The following KIAA1671 variants were observed in gnomAD, a reference collection of about 807,000 sequenced individuals.
KIAA1671 encodes the protein KIAA1671.
Under a neutral mutation model 131.2 loss-of-function variants are expected in KIAA1671, and 52 were observed. The observed-to-expected ratio is 0.40, with a 90% confidence interval of 0.32 to 0.50. The LOEUF is 0.50. Among genes scored for constraint, KIAA1671 ranks in the 20% least tolerant of loss-of-function variants. The pLI, the probability that KIAA1671 is intolerant of heterozygous loss-of-function variation, is 0.73. For missense variants in KIAA1671, 2,360 were observed against 2,364.2 expected (o/e 1.00, Z 0.04); for synonymous variants, 1,003 against 961.6 (o/e 1.04, Z -0.80).
intron 6 of KIAA1671, chr22:25,051,607 C>A: frequency 6.6e-6 from 1 of 152,410 alleles, no homozygotes; most frequent in Non-Finnish European, 1.5e-5. Context: ...CTCCTCCTCC[C>A]CTTCCTCTCC....
chr22:24,986,503 C>A (rs1923543335), intron 1 of KIAA1671, among the ~76,000 whole-genome samples: 1 of 151,946 alleles, frequency 6.6e-6, no homozygotes, highest in Admixed American at 6.6e-5. Context: ...AAACTCTGTA[C>A]CTGTTCAATA....
At chr22:24,983,913 G>A (rs1011220009) in intron 1 of KIAA1671, among the ~76,000 whole-genome samples, 1 of 151,808 alleles carries the variant, frequency 6.6e-6, no homozygotes, top group Admixed American at 6.6e-5. Flanking sequence ...CAAGTAGCTG[G>A]GATTACAGGC....
chr22:24,959,373 A>G (rs1163310571), intron 1 of KIAA1671, among the ~76,000 whole-genome samples: 3 of 151,866 alleles, frequency 2.0e-5, no homozygotes, highest in Non-Finnish European at 4.4e-5. Flanking sequence ...ATTAAAAAAA[A>G]TTAGCTAGGC....
chr22:25,121,676 G>A (rs1336072278), intron 6 of KIAA1671, among the ~76,000 whole-genome samples: 1 of 152,152 alleles, frequency 6.6e-6, no homozygotes, highest in Non-Finnish European at 1.5e-5. Flanking sequence ...TAAACACAAA[G>A]TTGGGGAAAG....
chr22:25,179,170 G>C (rs1162794021), intron 9 of KIAA1671: 4 of 911,808 alleles, frequency 4.4e-6, no homozygotes, highest in African/African-American at 1.6e-5. Context: ...CAGGGCGGCT[G>C]AGTGCGGAAG....
chr22:25,132,442 C>A (rs1932483360), intron 6 of KIAA1671, among the ~76,000 whole-genome samples: 1 of 152,194 alleles, frequency 6.6e-6, no homozygotes, highest in East Asian at 1.9e-4. Flanking sequence ...AACCCCAGAT[C>A]AAATCCCAGA....
At chr22:24,962,592 G>T (rs745515) in intron 1 of KIAA1671, among the ~76,000 whole-genome samples, 8,259 of 152,236 alleles carry the variant, frequency 0.054, 785 homozygotes, top group African/African-American at 0.19. Context: ...GGAGTAATAA[G>T]AGAGCTGGCC....
At chr22:25,027,540 A>T (rs1926014339) in intron 2 of KIAA1671, among the ~76,000 whole-genome samples, 2 of 152,194 alleles carry the variant, frequency 1.3e-5, no homozygotes, top group African/African-American at 4.8e-5. Context: ...ATTTGGTGTC[A>T]AACCTGGTTT....
At chr22:25,063,093 G>A (rs191605609) in intron 6 of KIAA1671, 2 of 151,902 alleles carry the variant, frequency 1.3e-5, no homozygotes, top group South Asian at 2.1e-4. Context: ...GAGGGTTCTC[G>A]GATTTCGTAC....
intron 1 of KIAA1671, among the ~76,000 whole-genome samples, chr22:24,977,390 A>T (rs1009544136): frequency 1.3e-5 from 2 of 152,218 alleles, no homozygotes; most frequent in African/African-American, 4.8e-5. Context: ...CAGAGCCTTG[A>T]TAAACCGGGC....
At chr22:25,008,012 A>G (rs1424403920) in intron 1 of KIAA1671, among the ~76,000 whole-genome samples, 2 of 152,028 alleles carry the variant, frequency 1.3e-5, no homozygotes, top group Non-Finnish European at 2.9e-5. Context: ...AGCCTGGCCA[A>G]CATGATGAAA....
intron 9 of KIAA1671, chr22:25,179,477 TCCTCCAGCGC>T (rs1485633730): frequency 6.8e-6 from 11 of 1,612,920 alleles, no homozygotes; most frequent in African/African-American, 1.3e-5. Flanking sequence ...GTTGTTATTC[TCCTCCAGCGC>T]CTTGTGCAGC....
At chr22:25,092,516 C>T (rs1035562493) in intron 6 of KIAA1671, among the ~76,000 whole-genome samples, 2 of 152,038 alleles carry the variant, frequency 1.3e-5, no homozygotes, top group Non-Finnish European at 2.9e-5. Context: ...AGGCTAACCT[C>T]GTAGGATGGA....
chr22:25,104,046 T>G (rs963490535), intron 6 of KIAA1671, among the ~76,000 whole-genome samples: 2 of 152,136 alleles, frequency 1.3e-5, no homozygotes, highest in Non-Finnish European at 2.9e-5. Flanking sequence ...TGGCGCAATC[T>G]TGGCTCACTG....
rs1331800227 is a variant in KIAA1671, at chr22:25,196,753, T to C, written c.*4352T>C. The C allele has an allele frequency of 6.6e-6, 1 of 152,108 alleles. No homozygotes were observed. The highest frequency in any genetic ancestry group is 1.5e-5 in the Non-Finnish European group (1 of 68,030). 9.4% of individuals were successfully genotyped at this position (152,108 alleles called of 1,614,324 possible). A position where few individuals can be genotyped will look rare whatever the true frequency, so the allele number is the denominator to read the frequency against. On this transcript the variant is annotated 3_prime_UTR_variant, in exon 13 of 13. Transcript: ENST00000358431. The stretch of plus-strand genomic sequence containing the variant: ...GCCCAGCTGAATTTGAGCTTTTTAA[T>C]AATCTCATTCCACATAGCCTTATAG...
At chr22:25,060,961 C>A (rs945145544) in intron 6 of KIAA1671, 1 of 152,186 alleles carries the variant, frequency 6.6e-6, no homozygotes. Context: ...TGTCACTGTG[C>A]TCTGTCCCCA....
intron 6 of KIAA1671, among the ~76,000 whole-genome samples, chr22:25,071,609 C>CCGA (rs1273839356): frequency 6.6e-6 from 1 of 151,796 alleles, no homozygotes; most frequent in Non-Finnish European, 1.5e-5. Flanking sequence ...CTCCAATAAT[C>CCGA]GTATTTTTGA....
rs571568764 is a variant in KIAA1671, at chr22:25,183,616, G to A, written c.5200-1361G>A. On this transcript the variant is annotated intron_variant, in intron 10 of 12. Transcript: ENST00000358431. Reference sequence around the variant, plus strand: ...TGATCCACTGCAAGCTCCGCCTCCCGGGTTCAAGCGATTCTCCTGCCTCAG... The same window carrying A: ...TGATCCACTGCAAGCTCCGCCTCCCAGGTTCAAGCGATTCTCCTGCCTCAG... Among the ~76,000 whole-genome samples the A allele has an allele frequency of 1.3e-3, 193 of 151,716 alleles. 3 individuals carry two copies. The South Asian group carries it at 0.032, about 25-fold the overall frequency.
Position 25,165,047 on chromosome 22 carries a change from A to G in KIAA1671, c.4531-5773A>G, listed in dbSNP as rs117232753. On this transcript the variant is annotated intron_variant, in intron 6 of 12. Coordinates refer to ENST00000358431, the MANE Select transcript of KIAA1671 (RefSeq NM_001145206.2). ...TCTGTGGTTGATTTTGAGGCCTCGT[A>G]GCTCTGGGGCTAAGCTCAAGTGTTG... Among the ~76,000 whole-genome samples the G allele has an allele frequency of 4.7e-4, 69 of 146,250 alleles. 1 individual carries two copies. The Middle Eastern group carries it at 0.015, about 32-fold the overall frequency.
Sources: gnomAD v4.1 joint callset for allele counts (sites outside exome capture counted in the v4.1 genomes callset) on GRCh38, gnomAD v4.1.1 for gene constraint, MANE v1.5 for transcripts, NCBI Gene and HGNC (gene_info 2026-07-23, HGNC 2026-07-21) for gene names.